Variants in TRHDE observed in about 807,000 individuals in gnomAD.
The protein encoded by TRHDE is thyrotropin-releasing hormone-degrading ectoenzyme.
In TRHDE, 72 loss-of-function variants were observed where a neutral mutation model predicts 125.7. The ratio of observed to expected loss-of-function variants is 0.57; its 90% CI spans 0.47 to 0.70. The LOEUF is 0.70. Ranked by LOEUF, TRHDE falls within the 30% of genes least tolerant of loss-of-function variation. The pLI is 0.00. For missense variants in TRHDE, 1,110 were observed against 1,327.1 expected, an observed-to-expected ratio of 0.84 and a Z score of 2.54; for synonymous variants, 509 against 509.1, an observed-to-expected ratio of 1.00 and a Z score of 0.00.
At chr12:72,222,937 T>C (rs1165742554) in intron 2 of TRHDE, among the ~76,000 whole-genome samples, 1 of 152,092 alleles carries the variant, frequency 6.6e-6, no homozygotes, top group Non-Finnish European at 1.5e-5. Context: ...TTGCCTCAGG[T>C]GCCAAAGATA....
intron 2 of TRHDE, among the ~76,000 whole-genome samples, chr12:72,191,108 A>G (rs1303350940): frequency 6.6e-6 from 1 of 152,238 alleles, no homozygotes; most frequent in Non-Finnish European, 1.5e-5. Flanking sequence ...AAAGTAAGAC[A>G]GTGGTTGGAC....
rs905669010 is a variant in TRHDE, at chr12:72,629,938, C to T, written c.2675+8187C>T. The stretch of plus-strand genomic sequence containing the variant: ...AAAAATGAAAATAATTTATGTTAGT[C>T]TTCTAATGATACTGTGGTAACAATT... On this transcript the variant is annotated intron_variant, in intron 15 of 18. Transcript: ENST00000261180. 3.3e-5 allele frequency among the ~76,000 whole-genome samples: 5 copies of T among 151,046 alleles called. No homozygotes were observed. The Admixed American group carries it at 3.3e-4, about 10-fold the overall frequency.
At position 72,277,142 on chromosome 12, in the gene TRHDE, A is replaced by G. The variant is rs903569614; in HGVS notation, c.914+3585A>G. 1.3e-4 allele frequency among the ~76,000 whole-genome samples: 20 copies of G among 152,194 alleles called. 1 individual carries two copies. Among genetic ancestry groups the G allele is most frequent in the Admixed American group, 1.1e-3 (17 of 15,268 alleles). ...AAAGTGAGACGACATTAAAAATATG[A>G]GGTCCTTTTCTATAAAGGATTGTTT... On this transcript the variant is annotated intron_variant, in intron 1 of 18. Transcript: ENST00000261180.
intron 3 of TRHDE, among the ~76,000 whole-genome samples, chr12:72,429,145 G>A (rs1874317000): frequency 2.0e-5 from 3 of 151,942 alleles, no homozygotes; most frequent in Admixed American, 6.6e-5. Context: ...GTTGAACAAT[G>A]AGAACACATG....
At chr12:72,198,585 G>A (rs190319170) in intron 2 of TRHDE, among the ~76,000 whole-genome samples, 8 of 152,058 alleles carry the variant, frequency 5.3e-5, no homozygotes, top group Non-Finnish European at 1.2e-4. Flanking sequence ...CTTTTGTTTT[G>A]TAGGAGCACT....
At chr12:72,158,574 T>C (rs1210441695) in intron 2 of TRHDE, among the ~76,000 whole-genome samples, 1 of 152,164 alleles carries the variant, frequency 6.6e-6, no homozygotes, top group African/African-American at 2.4e-5. Context: ...CCATTTATTA[T>C]TCAGTCTTAT....
chr12:72,291,613 G>T (rs187888933), intron 2 of TRHDE, among the ~76,000 whole-genome samples: 32 of 152,310 alleles, frequency 2.1e-4, no homozygotes, highest in African/African-American at 7.2e-4. Flanking sequence ...AGAAAATTGT[G>T]TCTGTATTGA....
chr12:72,137,786 T>A (rs1230400053), intron 2 of TRHDE, among the ~76,000 whole-genome samples: 1 of 152,128 alleles, frequency 6.6e-6, no homozygotes, highest in Non-Finnish European at 1.5e-5. Flanking sequence ...CCCAAATAGG[T>A]CCTCAAAATC....
At chr12:72,115,771 T>A (rs545314611) in intron 2 of TRHDE, among the ~76,000 whole-genome samples, 17 of 152,214 alleles carry the variant, frequency 1.1e-4, no homozygotes, top group African/African-American at 4.1e-4. Flanking sequence ...GTCTGGTAGT[T>A]TTGGTTTGCA....
intron 6 of TRHDE, among the ~76,000 whole-genome samples, chr12:72,526,127 C>T (rs1592512938): frequency 6.6e-6 from 1 of 151,984 alleles, no homozygotes; most frequent in Non-Finnish European, 1.5e-5. Context: ...TTCTGCTGTC[C>T]TCTGACATTT....
chr12:72,485,425 G>T (rs1877357084), intron 5 of TRHDE, among the ~76,000 whole-genome samples: 1 of 152,138 alleles, frequency 6.6e-6, no homozygotes, highest in African/African-American at 2.4e-5. Context: ...TCCAGCCTCT[G>T]CATTCCAGCA....
rs948900502 is a variant in TRHDE, at chr12:72,187,506, TGGAGGAGGAGGA to T, written n.279+81773_279+81784del. On this transcript the variant is annotated intron_variant and non_coding_transcript_variant, in intron 2 of 4. Coordinates refer to the TRHDE transcript ENST00000548156. Reference sequence around the variant, plus strand: ...GTGGTGGTGGTGGTGGTGGTGGTGGTGGAGGAGGAGGAGGAGGAGGAGGAGGAGGATGGGGCA... The same window carrying T: ...GTGGTGGTGGTGGTGGTGGTGGTGGTGGAGGAGGAGGAGGAGGATGGGGCA... Among the ~76,000 whole-genome samples, 6 of 132,366 alleles carry T rather than the reference TGGAGGAGGAGGA, an allele frequency of 4.5e-5. No individual in the cohort carries two copies. In the East Asian group the frequency reaches 1.3e-3, roughly 28 times the overall value. 86.8% of individuals were successfully genotyped at this position (132,366 alleles called of 152,430 possible). A position where few individuals can be genotyped will look rare whatever the true frequency, so the allele number is the denominator to read the frequency against.
intron 2 of TRHDE, among the ~76,000 whole-genome samples, chr12:72,349,420 G>C (rs1870478925): frequency 1.3e-5 from 2 of 152,032 alleles, no homozygotes; most frequent in South Asian, 4.1e-4. Context: ...GACTTTATTT[G>C]ATGCCTTTGG....
intron 6 of TRHDE, among the ~76,000 whole-genome samples, chr12:72,532,698 G>A (rs1317697549): frequency 6.6e-6 from 1 of 150,764 alleles, no homozygotes; most frequent in Non-Finnish European, 1.5e-5. Context: ...ATTATAATAT[G>A]TTTGCTATTA....
intron 2 of TRHDE, among the ~76,000 whole-genome samples, chr12:72,320,543 CTGTGTGTGTGTGTGTGTGTGTGTG>C (rs59244019): frequency 2.1e-5 from 3 of 143,080 alleles, no homozygotes; most frequent in African/African-American, 7.7e-5. Context: ...AGAGGGTTGA[CTGTGTGTGTGTGTGTGTGTGTGTG>C]TGTGTGTGTG....
At chr12:72,384,771 A>G (rs1456222356) in intron 3 of TRHDE, among the ~76,000 whole-genome samples, 2 of 152,104 alleles carry the variant, frequency 1.3e-5, no homozygotes, top group Non-Finnish European at 2.9e-5. Flanking sequence ...TTTGCTTAAG[A>G]TACAATAAAC....
intron 15 of TRHDE, among the ~76,000 whole-genome samples, chr12:72,631,031 T>C (rs1873474489): frequency 6.6e-6 from 1 of 150,884 alleles, no homozygotes; most frequent in Non-Finnish European, 1.5e-5. Flanking sequence ...GTGACTTATA[T>C]TTAATTTTCA....
At chr12:72,631,822 T>A (rs1290712191) in intron 15 of TRHDE, among the ~76,000 whole-genome samples, 1 of 151,954 alleles carries the variant, frequency 6.6e-6, no homozygotes, top group African/African-American at 2.4e-5. Context: ...GACAGCTTTA[T>A]GGTTATGCCA....
chr12:72,089,291 C>T (rs746963047), intron 1 of TRHDE, among the ~76,000 whole-genome samples: 4 of 152,148 alleles, frequency 2.6e-5, no homozygotes, highest in Non-Finnish European at 5.9e-5. Flanking sequence ...CAAGCTTGAG[C>T]CTGCCAGAGA....
Sources: gnomAD v4.1 joint callset for allele counts (sites outside exome capture counted in the v4.1 genomes callset) on GRCh38, gnomAD v4.1.1 for gene constraint, MANE v1.5 for transcripts, NCBI Gene and HGNC (gene_info 2026-07-23, HGNC 2026-07-21) for gene names.